The following ACE variants were observed in gnomAD, a reference collection of about 807,000 sequenced individuals.
The protein encoded by ACE is angiotensin-converting enzyme.
In ACE, 122 loss-of-function variants were observed where a neutral mutation model predicts 162.3. The ratio of observed to expected loss-of-function variants is 0.75; its 90% CI spans 0.65 to 0.87. The LOEUF is 0.87. Among genes scored for constraint, ACE ranks in the 40% least tolerant of loss-of-function variants. The probability of loss-of-function intolerance (pLI) is 0.00; values close to 1 mark genes in which losing one functional copy is unlikely to be tolerated. For synonymous variants in ACE, 796 were observed against 720.6 expected (o/e 1.10, Z -1.68); for missense variants, 1,799 against 1,735.1 (o/e 1.04, Z -0.65).
chr17:63,486,649 C>G lies in ACE; in HGVS notation c.2151C>G (p.Ile717Met), dbSNP rs771585066. ...FDVNQLQNTT[I>M]KRIIKKVQDL... ...TGAACCAGTTGCAGAACACCACTAT[C>G]AAGCGGATCATAAAGAAGGTTCAGG... Residue 717 changes from isoleucine to methionine, a missense_variant, in exon 14 of 25, where the codon ATC becomes ATG. Transcript: ENST00000290866. 2 of 1,614,238 alleles carry G rather than the reference C, an allele frequency of 1.2e-6. No individual in the cohort carries two copies. The highest frequency in any genetic ancestry group is 1.7e-5 in the Admixed American group (1 of 60,032).
Position 63,487,048 on chromosome 17 carries a change from T to C in ACE, c.2280T>C (p.Asn760=). 6.2e-7 allele frequency: 1 copy of C among 1,613,554 alleles called. No individual in the cohort carries two copies. The highest frequency in any genetic ancestry group is 8.5e-7 in the Non-Finnish European group (1 of 1,179,992). The change falls in exon 15 of 25, where the codon AAT becomes AAC. Residue 760 remains asparagine (N), a synonymous_variant. Transcript: ENST00000290866. ...GCGTGGCCACTGTGTGCCACCCGAA[T>C]GGCAGCTGCCTGCAGCTCGAGCCAG... ...TYSVATVCHP[N]GSCLQLEPDL...
At chr17:63,480,057 G>C (rs111349805) in intron 4 of ACE, 145 bp downstream of exon 4, 262 of 1,321,538 alleles carry the variant, frequency 2.0e-4, no homozygotes, top group Non-Finnish European at 2.6e-4. Context: ...AGGTGGGACC[G>C]GCCTGCACCC....
chr17:63,496,028 T>G, intron 22 of ACE: 1 of 344,480 alleles, frequency 2.9e-6, no homozygotes, highest in Non-Finnish European at 5.6e-6. Context: ...ACACGGCCCA[T>G]TTGGCCACAC....
In ACE at chr17:63,491,811, C is replaced by T. The variant is rs1469713437; in HGVS notation, c.2912+430C>T. On this transcript the variant is annotated intron_variant, in intron 19 of 24. Coordinates refer to ENST00000290866, the MANE Select transcript of ACE (RefSeq NM_000789.4). The surrounding 1 kb of genome is among the most constrained non-coding windows in gnomAD (Gnocchi z 4.4). ...AGAAGCTGCCTTCCTTGGAGGATGG[C>T]GTTTTAGTTACCTATTGCTGTGCAA... Among the ~76,000 whole-genome samples the T allele has an allele frequency of 2.0e-5, 3 of 152,148 alleles. No individual in the cohort carries two copies. The highest frequency in any genetic ancestry group is 1.3e-4 in the Admixed American group (2 of 15,274).
intron 2 of ACE, 134 bp downstream of exon 2, chr17:63,478,232 T>C (rs1421981714): frequency 8.4e-7 from 1 of 1,183,788 alleles, no homozygotes; most frequent in East Asian, 2.6e-5. Context: ...AAAGCCCAGG[T>C]AAGCACAGAA....
rs1599136216 is a variant in ACE at position 63,477,130 on chromosome 17, G to A, written c.36G>A (p.Leu12=). ...CCTCGGGCCGCCGGGGGCCGGGGCT[G>A]CTGCTGCCGCTGCCGCTGCTGTTGC... is the stretch of plus-strand genomic sequence containing the variant. ...GAASGRRGPG[L]LLPLPLLLLL... The change falls in exon 1 of 25, where the codon CTG becomes CTA. Residue 12 remains leucine (L), a synonymous_variant. Transcript: ENST00000290866. 1 of 1,416,600 alleles carries A rather than the reference G, an allele frequency of 7.1e-7. No individual in the cohort carries two copies. Among genetic ancestry groups the A allele is most frequent in the Non-Finnish European group, 9.2e-7 (1 of 1,084,808 alleles). The allele number at this position is 1,416,600 out of a possible 1,614,324, so 87.8% of individuals were successfully genotyped here. A position where few individuals can be genotyped will look rare whatever the true frequency, so the allele number is the denominator to read the frequency against.
Position 63,498,321 on chromosome 17 carries a change from T to A in ACE, c.*955T>A, listed in dbSNP as rs1599160431. 1 of 152,330 alleles carries A rather than the reference T, an allele frequency of 6.6e-6. No homozygotes were observed. Among genetic ancestry groups the A allele is most frequent in the South Asian group, 2.1e-4 (1 of 4,826 alleles). The allele number at this position is 152,330 out of a possible 1,614,324, so 9.4% of individuals were successfully genotyped here. On this transcript the variant is annotated 3_prime_UTR_variant, in exon 25 of 25. Transcript: ENST00000290866. ...TTATGTGTATGTTTATGTAGAAATT[T>A]GGAAAATACAGAAAACTGTAAAGAA... is the stretch of plus-strand genomic sequence containing the variant.
chr17:63,478,002 G>C lies in ACE; in HGVS notation c.321G>C (p.Pro107=), dbSNP rs1278761839. 6.2e-7 allele frequency: 1 copy of C among 1,611,726 alleles called. No homozygotes were observed. The highest frequency in any genetic ancestry group is 1.3e-5 in the African/African-American group (1 of 74,910). The stretch of plus-strand genomic sequence containing the variant: ...AGAAGGCCAAGGAGCTGTATGAACC[G>C]ATCTGGCAGAACTTCACGGACCCGC... ...WGQKAKELYE[P]IWQNFTDPQL... The change falls in exon 2 of 25, where the codon CCG becomes CCC. Residue 107 remains proline, a synonymous_variant. Coordinates refer to ENST00000290866, the MANE Select transcript of ACE (RefSeq NM_000789.4).
chr17:63,480,434 C>T lies in ACE; in HGVS notation c.753C>T (p.Tyr251=). The T allele has an allele frequency of 7.4e-6, 12 of 1,614,140 alleles. No individual in the cohort carries two copies. The highest frequency in any genetic ancestry group is 1.1e-5 in the South Asian group (1 of 91,090). ...TCTACCAACAGCTAGAGCCCCTCTA[C>T]CTGAACCTCCATGCCTTCGTCCGCC... ...EHLYQQLEPL[Y]LNLHAFVRRA... The change falls in exon 5 of 25, where the codon TAC becomes TAT. Residue 251 remains tyrosine, a synonymous_variant. Transcript: ENST00000290866.
chr17:63,486,461 C>T, intron 13 of ACE, 96 bp from the exon 14 acceptor site: 1 of 1,405,856 alleles, frequency 7.1e-7, no homozygotes, highest in African/African-American at 1.4e-5. Flanking sequence ...GCCCCCTCAC[C>T]ACCACCTCCA....
In ACE at chr17:63,487,043, C is replaced by T. The variant is rs1180603936; in HGVS notation, c.2275C>T (p.Pro759Ser). The T allele has an allele frequency of 1.1e-5, 17 of 1,613,652 alleles. No individual in the cohort carries two copies. The highest frequency in any genetic ancestry group is 1.4e-5 in the Non-Finnish European group (16 of 1,179,994). ...TTYSVATVCHPNGSCLQLEPD... is the reference protein window; with the variant it reads ...TTYSVATVCHSNGSCLQLEPD... ...CTACAGCGTGGCCACTGTGTGCCAC[C>T]CGAATGGCAGCTGCCTGCAGCTCGA... is the stretch of plus-strand genomic sequence containing the variant. Residue 759 changes from proline (P) to serine (S), a missense_variant, in exon 15 of 25, where the codon CCG becomes TCG. Physicochemically the swap from Pro to Ser is moderately conservative, Grantham distance 74. Transcript: ENST00000290866.
chr17:63,485,190 G>T, intron 12 of ACE, 46 bp from the exon 13 acceptor site: 1 of 1,613,464 alleles, frequency 6.2e-7, no homozygotes, highest in Non-Finnish European at 8.5e-7. Context: ...CAAACCTGGA[G>T]AGGGGAGGCA....
chr17:63,478,895 G>C (rs971004451), intron 2 of ACE, 112 bp from the exon 3 acceptor site: 14 of 871,854 alleles, frequency 1.6e-5, no homozygotes, highest in Non-Finnish European at 2.2e-5. Flanking sequence ...GTGCCACTGA[G>C]TGGCCTTGTC....
At position 63,477,144 on chromosome 17, in the gene ACE, CG is replaced by C; in HGVS notation, c.51del (p.Leu18CysfsTer127). 1 of 1,438,558 alleles carries C rather than the reference CG, an allele frequency of 7.0e-7. No homozygotes were observed. The highest frequency in any genetic ancestry group is 9.1e-7 in the Non-Finnish European group (1 of 1,095,900). The allele number at this position is 1,438,558 out of a possible 1,614,324, so 89.1% of individuals were successfully genotyped here. On this transcript the variant is annotated frameshift_variant, in exon 1 of 25. Transcript: ENST00000290866. LOFTEE classifies it high-confidence loss of function. ...GGGCCGGGGCTGCTGCTGCCGCTGC[CG>C]CTGCTGTTGCTGCTGCCGCCGCAGC... is the stretch of plus-strand genomic sequence containing the variant. ...RRGPGLLLPL[P>X]LLLLLPPQPA...
Position 63,484,198 on chromosome 17 carries a change from C to T in ACE, c.1710-132C>T. 1 of 1,265,052 alleles carries T rather than the reference C, an allele frequency of 7.9e-7. No homozygotes were observed. The highest frequency in any genetic ancestry group is 1.1e-6 in the Non-Finnish European group (1 of 904,818). The allele number at this position is 1,265,052 out of a possible 1,614,324, so 78.4% of individuals were successfully genotyped here. A position where few individuals can be genotyped will look rare whatever the true frequency, so the allele number is the denominator to read the frequency against. On this transcript the variant is annotated intron_variant, in intron 11 of 24. Coordinates refer to ENST00000290866, the MANE Select transcript of ACE (RefSeq NM_000789.4). The surrounding 1 kb of genome is among the most constrained non-coding windows in gnomAD (Gnocchi z 4.0). The stretch of plus-strand genomic sequence containing the variant: ...CTGCCACCATCAGAGAGATCCCAGG[C>T]CCCAGGGTCTTATTGCCACAGTTTC...
At chr17:63,479,680 G>A in intron 3 of ACE, 89 bp from the exon 4 acceptor site, 1 of 1,545,480 alleles carries the variant, frequency 6.5e-7, no homozygotes, top group Non-Finnish European at 8.9e-7. Flanking sequence ...GCTGGTGGGA[G>A]CAGTAAGGAC....
At chr17:63,483,357 A>G in intron 9 of ACE, 103 bp from the exon 10 acceptor site, 1 of 1,453,544 alleles carries the variant, frequency 6.9e-7, no homozygotes. Flanking sequence ...CCAGTTCCTC[A>G]GGATGGGGAA....
Position 63,497,140 on chromosome 17 carries a change from G to A in ACE, c.3695G>A (p.Arg1232His), listed in dbSNP as rs372282664. Residue 1232 changes from arginine to histidine, a missense_variant, in exon 25 of 25, where the codon CGC (arginine) becomes CAC (histidine). Physicochemically the swap from Arg to His is conservative, Grantham distance 29. Transcript: ENST00000290866. The part of the protein sequence containing the change: ...PQYNWTPNSA[R>H]SEGPLPDSGR... ...TGTCTCCTTGCTTCCCGCTCAGCTC[G>A]CTCAGAAGGGCCCCTCCCAGACAGC... 288 of 1,603,100 alleles carry A rather than the reference G, an allele frequency of 1.8e-4. No homozygotes were observed. Among genetic ancestry groups the A allele is most frequent in the Non-Finnish European group, 2.3e-4 (276 of 1,179,094 alleles).
Position 63,493,617 on chromosome 17 carries a change from C to T in ACE, c.3094C>T (p.Leu1032=). 1 of 1,614,158 alleles carries T rather than the reference C, an allele frequency of 6.2e-7. No individual in the cohort carries two copies. The highest frequency in any genetic ancestry group is 8.5e-7 in the Non-Finnish European group (1 of 1,180,010). The change falls in exon 20 of 25, where the codon CTG becomes TTG. Residue 1032 remains leucine, a synonymous_variant. Coordinates refer to ENST00000290866, the MANE Select transcript of ACE (RefSeq NM_000789.4). ...CCTCTCAGTGTCTACGCCCAAGCAC[C>T]TGCACAGTCTCAACCTGCTGAGCAG... ...LALSVSTPKH[L]HSLNLLSSEG... is the part of the protein sequence containing the mutation.
Sources: gnomAD v4.1 joint callset for allele counts (sites outside exome capture counted in the v4.1 genomes callset) on GRCh38, gnomAD v4.1.1 for gene constraint, Gnocchi (gnomAD v3.1) non-coding constraint, MANE v1.5 for transcripts, NCBI Gene and HGNC (gene_info 2026-07-23, HGNC 2026-07-21) for gene names.